The following CCDC102B variants were observed in gnomAD, a reference collection of about 807,000 sequenced individuals.
The protein encoded by CCDC102B is coiled-coil domain containing 102B, also known as coiled-coil domain-containing protein 102B.
CCDC102B carries 75 observed loss-of-function variants against 57.4 expected under a neutral mutation model. The observed-to-expected ratio is 1.31, with a 90% CI of 1.08 to 1.58. CCDC102B has a LOEUF of 1.58. Among genes scored for constraint, CCDC102B ranks in the 40% most tolerant of loss-of-function variants. CCDC102B has a pLI of 0.00. For synonymous variants in CCDC102B, 206 were observed against 201.9 expected (o/e 1.02, Z -0.17); for missense variants, 636 against 582.6 (o/e 1.09, Z -0.94).
intron 2 of CCDC102B, among the ~76,000 whole-genome samples, chr18:68,763,000 A>G (rs1018029414): frequency 3.3e-5 from 5 of 151,852 alleles, no homozygotes; most frequent in Admixed American, 6.6e-5. Context: ...CTTAGGGGGG[A>G]AAAAAGCTTC....
intron 6 of CCDC102B, among the ~76,000 whole-genome samples, chr18:68,970,122 G>A (rs1417581459): frequency 6.6e-6 from 1 of 152,024 alleles, no homozygotes; most frequent in African/African-American, 2.4e-5. Context: ...TATTAGCAAA[G>A]TGATAAATAT....
intron 4 of CCDC102B, among the ~76,000 whole-genome samples, chr18:68,871,429 C>A (rs1452595614): frequency 3.3e-5 from 5 of 152,064 alleles, no homozygotes; most frequent in Non-Finnish European, 7.4e-5. Flanking sequence ...ATTTTCTTTA[C>A]AAATCCATTA....
At chr18:69,048,731 C>T (rs2052625848) in intron 7 of CCDC102B, among the ~76,000 whole-genome samples, 1 of 151,966 alleles carries the variant, frequency 6.6e-6, no homozygotes, top group Non-Finnish European at 1.5e-5. Flanking sequence ...CTCCCCTCCC[C>T]CATACCCCTT....
chr18:68,719,013 A>G (rs1290494875), intron 2 of CCDC102B, among the ~76,000 whole-genome samples: 1 of 152,244 alleles, frequency 6.6e-6, no homozygotes, highest in Non-Finnish European at 1.5e-5. Context: ...GCATAAATAT[A>G]GGCAGCAAAA....
At chr18:68,877,557 T>C (rs555298034) in intron 5 of CCDC102B, among the ~76,000 whole-genome samples, 1 of 152,224 alleles carries the variant, frequency 6.6e-6, no homozygotes, top group Non-Finnish European at 1.5e-5. Flanking sequence ...TTCTTTCATG[T>C]CAACATATCA....
chr18:69,018,882 G>T (rs954067459), intron 7 of CCDC102B, among the ~76,000 whole-genome samples: 3 of 152,004 alleles, frequency 2.0e-5, no homozygotes, highest in Non-Finnish European at 4.4e-5. Context: ...TCTTCTAGGA[G>T]TTTACAATTT....
chr18:68,816,605 A>G (rs1422686798), intron 1 of CCDC102B, among the ~76,000 whole-genome samples: 2 of 151,766 alleles, frequency 1.3e-5, no homozygotes, highest in African/African-American at 4.8e-5. Context: ...AGCTGGGACT[A>G]CAGGCGCCCG....
At chr18:69,044,132 A>G (rs1023453850) in intron 7 of CCDC102B, among the ~76,000 whole-genome samples, 4 of 152,146 alleles carry the variant, frequency 2.6e-5, no homozygotes, top group African/African-American at 2.4e-5. Context: ...GTAAAAATCT[A>G]TCTCTATAAT....
chr18:68,931,356 G>A (rs1324407312), intron 6 of CCDC102B, among the ~76,000 whole-genome samples: 2 of 151,850 alleles, frequency 1.3e-5, no homozygotes, highest in Non-Finnish European at 1.5e-5. Flanking sequence ...AGACGTAATG[G>A]TAGAATATAC....
chr18:69,003,050 T>TA (rs1026655012), intron 6 of CCDC102B, among the ~76,000 whole-genome samples: 1 of 152,188 alleles, frequency 6.6e-6, no homozygotes, highest in Non-Finnish European at 1.5e-5. Flanking sequence ...AGTCTGTCCA[T>TA]AAAAAGATGT....
intron 2 of CCDC102B, among the ~76,000 whole-genome samples, chr18:68,776,199 A>G (rs1443155115): frequency 6.6e-6 from 1 of 151,984 alleles, no homozygotes; most frequent in Admixed American, 6.6e-5. Flanking sequence ...ACTAATTGTC[A>G]CCTCAGTTGG....
chr18:68,844,413 C>T (rs947841552), intron 3 of CCDC102B, among the ~76,000 whole-genome samples: 5 of 151,234 alleles, frequency 3.3e-5, no homozygotes, highest in African/African-American at 1.2e-4. Context: ...TAACATATGC[C>T]ATTTGCTTTT....
At chr18:68,738,506 G>A (rs757128771) in intron 2 of CCDC102B, among the ~76,000 whole-genome samples, 1 of 152,090 alleles carries the variant, frequency 6.6e-6, no homozygotes, top group African/African-American at 2.4e-5. Context: ...GGTGCTCTCA[G>A]CACTGGTCCC....
intron 6 of CCDC102B, among the ~76,000 whole-genome samples, chr18:68,957,846 CTT>C (rs2145219199): frequency 6.6e-6 from 1 of 152,092 alleles, no homozygotes; most frequent in East Asian, 1.9e-4. Context: ...AATTCCTAGA[CTT>C]TTATTTTTAT....
intron 5 of CCDC102B, among the ~76,000 whole-genome samples, chr18:68,890,167 T>TA (rs2040024423): frequency 6.6e-6 from 1 of 152,142 alleles, no homozygotes; most frequent in East Asian, 1.9e-4. Context: ...CTTTTTTTTT[T>TA]AAACCTGGCT....
chr18:69,006,556 G>A (rs1302733180), intron 6 of CCDC102B, among the ~76,000 whole-genome samples: 1 of 150,424 alleles, frequency 6.6e-6, no homozygotes, highest in East Asian at 2.0e-4. Flanking sequence ...AAAGTAGTTG[G>A]GACTACAGGC....
intron 2 of CCDC102B, among the ~76,000 whole-genome samples, chr18:68,760,885 A>T (rs1341070248): frequency 6.6e-6 from 1 of 152,068 alleles, no homozygotes; most frequent in Non-Finnish European, 1.5e-5. Context: ...GGGTTTGCCT[A>T]ACCTAAATTT....
At chr18:68,732,594 G>A (rs2032931003) in intron 2 of CCDC102B, among the ~76,000 whole-genome samples, 1 of 152,000 alleles carries the variant, frequency 6.6e-6, no homozygotes, top group Non-Finnish European at 1.5e-5. Context: ...CGATCTGCCT[G>A]CCTCAGCCTC....
In CCDC102B at chr18:68,731,230, C is replaced by T. The variant is rs144725907; in HGVS notation, c.-67+14636C>T. 7.2e-3 allele frequency among the ~76,000 whole-genome samples: 1,098 copies of T among 152,166 alleles called. 18 individuals carry two copies. Among genetic ancestry groups the T allele is most frequent in the African/African-American group, 0.025 (1,039 of 41,540 alleles). On this transcript the variant is annotated intron_variant, in intron 2 of 3. Transcript: ENST00000578970. ...TGAACTCCTGACCTCATGATCTGCC[C>T]GCCTCGGCCTCCCAAAGTGCTGGGA... is the stretch of plus-strand genomic sequence containing the variant.
Sources: allele counts gnomAD v4.1 joint callset (sites outside exome capture counted in the v4.1 genomes callset), GRCh38; gene constraint gnomAD v4.1.1; transcripts MANE v1.5; gene names NCBI Gene and HGNC (gene_info 2026-07-23, HGNC 2026-07-21).